The following ARHGEF28 variants were observed in gnomAD, a reference collection of about 807,000 sequenced individuals.
ARHGEF28 encodes Rho guanine nucleotide exchange factor 28.
ARHGEF28 carries 152 observed loss-of-function variants against 206.6 expected under a neutral mutation model. The ratio of observed to expected loss-of-function variants is 0.74; its 90% CI spans 0.64 to 0.84. The LOEUF (loss-of-function observed/expected upper bound fraction) is 0.84, where lower values mean the gene tolerates loss of function less well. Among genes scored for constraint, ARHGEF28 ranks in the 40% least tolerant of loss-of-function variants. The pLI, the probability that ARHGEF28 is intolerant of heterozygous loss-of-function variation, is 0.00. For missense variants in ARHGEF28, 2,028 were observed against 2,073.2 expected (o/e 0.98, Z 0.42); for synonymous variants, 763 against 776.4 (o/e 0.98, Z 0.29).
intron 2 of ARHGEF28, among the ~76,000 whole-genome samples, chr5:73,711,326 T>C (rs1489926904): frequency 6.6e-6 from 1 of 152,128 alleles, no homozygotes; most frequent in Non-Finnish European, 1.5e-5. Context: ...CCTTTTCACA[T>C]AAATTTTATA....
intron 2 of ARHGEF28, among the ~76,000 whole-genome samples, chr5:73,717,742 T>C (rs188880658): frequency 8.5e-5 from 13 of 152,338 alleles, no homozygotes; most frequent in African/African-American, 2.9e-4. Flanking sequence ...ATCATGATGA[T>C]AGTGTATAAG....
rs559220061 is a variant in ARHGEF28 at position 73,910,685 on chromosome 5, T to C, written c.4648-590T>C. Among the ~76,000 whole-genome samples the C allele has an allele frequency of 9.8e-5, 15 of 152,358 alleles. No individual in the cohort carries two copies. In the South Asian group the frequency reaches 2.7e-3, roughly 27 times the overall value. ...TAGCAAGTATAGTACTATTCTGTTA[T>C]GCTGAGCTTCTTCTCTCTTTGTAAA... On this transcript the variant is annotated intron_variant, in intron 34 of 35. Transcript: ENST00000513042.
chr5:73,815,701 G>C (rs571155265), intron 9 of ARHGEF28, among the ~76,000 whole-genome samples: 1 of 152,316 alleles, frequency 6.6e-6, no homozygotes, highest in African/African-American at 2.4e-5. Flanking sequence ...ATCCATTGGA[G>C]TTGTAGGGAA....
At chr5:73,922,463 C>T (rs957616348) in intron 35 of ARHGEF28, among the ~76,000 whole-genome samples, 2 of 152,176 alleles carry the variant, frequency 1.3e-5, no homozygotes, top group African/African-American at 4.8e-5. Flanking sequence ...TTGGCTTTGC[C>T]GAAAGCTTCT....
In ARHGEF28 at chr5:73,635,814, A is replaced by G. The variant is rs886893298; in HGVS notation, c.-12+9492A>G. Among the ~76,000 whole-genome samples, 6 of 152,226 alleles carry G rather than the reference A, an allele frequency of 3.9e-5. No homozygotes were observed. The South Asian group carries it at 1.0e-3, about 26-fold the overall frequency. Reference sequence around the variant, plus strand: ...TCACAGCCCCTAGAGATGTAGCAGGATTCAGCTGGCCATTCCTATTCTTGG... The same window carrying G: ...TCACAGCCCCTAGAGATGTAGCAGGGTTCAGCTGGCCATTCCTATTCTTGG... On this transcript the variant is annotated intron_variant, in intron 1 of 35. Coordinates refer to ENST00000513042, the MANE Select transcript of ARHGEF28 (RefSeq NM_001177693.2).
chr5:73,830,951 G>A lies in ARHGEF28; in HGVS notation c.1025-1387G>A, dbSNP rs569232451. Among the ~76,000 whole-genome samples, 5 of 152,206 alleles carry A rather than the reference G, an allele frequency of 3.3e-5. No homozygotes were observed. In the East Asian group the frequency reaches 5.8e-4, roughly 18 times the overall value. On this transcript the variant is annotated intron_variant, in intron 9 of 35. Coordinates refer to ENST00000513042, the MANE Select transcript of ARHGEF28 (RefSeq NM_001177693.2). ...TATGTACCTATTCAAGAAAATTTAC[G>A]GGGATGTTAGTGAGGATGGCATTTA...
At chr5:73,826,949 C>G (rs1756951614) in intron 9 of ARHGEF28, among the ~76,000 whole-genome samples, 2 of 152,282 alleles carry the variant, frequency 1.3e-5, no homozygotes, top group East Asian at 3.9e-4. Flanking sequence ...TGCTGTTTAT[C>G]CTCCAGGCAC....
chr5:73,842,582 C>T (rs555775842), intron 11 of ARHGEF28, among the ~76,000 whole-genome samples: 36 of 152,324 alleles, frequency 2.4e-4, no homozygotes, highest in African/African-American at 8.7e-4. Context: ...ACTGTCCACA[C>T]GTCTGCTTGG....
intron 1 of ARHGEF28, among the ~76,000 whole-genome samples, chr5:73,680,707 C>T (rs531369708): frequency 6.6e-6 from 1 of 152,176 alleles, no homozygotes; most frequent in African/African-American, 2.4e-5. Context: ...TATATTTTAT[C>T]AGATAAAATC....
intron 14 of ARHGEF28, among the ~76,000 whole-genome samples, chr5:73,855,945 G>A (rs1349212006): frequency 6.6e-6 from 1 of 152,054 alleles, no homozygotes; most frequent in Non-Finnish European, 1.5e-5. Flanking sequence ...TACAAAAGGG[G>A]CTTCTTGACC....
chr5:73,682,980 C>A (rs1747205875), intron 1 of ARHGEF28, among the ~76,000 whole-genome samples: 1 of 152,086 alleles, frequency 6.6e-6, no homozygotes, highest in Non-Finnish European at 1.5e-5. Context: ...TCCTCCATTT[C>A]TCCTAATCTT....
At position 73,909,698 on chromosome 5, in the gene ARHGEF28, A is replaced by C; in HGVS notation, c.4448A>C (p.Glu1483Ala). ...CGGGAGCGGGAGTGCCAGTCGCAGG[A>C]GGAGCTGCTGCTGCGGAGCCGGGGC... ...QERERECQSQ[E>A]ELLLRSRGEL... The change falls in exon 34 of 36, where the codon GAG becomes GCG. Residue 1483 changes from glutamate (E) to alanine (A), a missense_variant. By Grantham distance (107) the Glu-to-Ala change is moderately radical. Coordinates refer to ENST00000513042, the MANE Select transcript of ARHGEF28 (RefSeq NM_001177693.2). The C allele has an allele frequency of 2.0e-6, 3 of 1,533,876 alleles. No homozygotes were observed. Among genetic ancestry groups the C allele is most frequent in the Non-Finnish European group, 2.6e-6 (3 of 1,138,960 alleles).
chr5:73,771,547 CAA>C (rs59263206), intron 4 of ARHGEF28, among the ~76,000 whole-genome samples: 5 of 139,948 alleles, frequency 3.6e-5, no homozygotes, highest in Admixed American at 7.3e-5. Flanking sequence ...GACTCCATCT[CAA>C]AAAAAAAAAA....
At chr5:73,678,617 C>T (rs1746851392) in intron 1 of ARHGEF28, among the ~76,000 whole-genome samples, 1 of 152,282 alleles carries the variant, frequency 6.6e-6, no homozygotes, top group East Asian at 1.9e-4. Context: ...CTGTAGCCTG[C>T]CTTCTCACTG....
intron 1 of ARHGEF28, among the ~76,000 whole-genome samples, chr5:73,653,782 C>T (rs1744993962): frequency 6.6e-6 from 1 of 152,360 alleles, no homozygotes; most frequent in South Asian, 2.1e-4. Flanking sequence ...CCTACAGCTC[C>T]TTTCCAGCCC....
chr5:73,663,024 C>T (rs574431435), intron 1 of ARHGEF28, among the ~76,000 whole-genome samples: 3 of 152,274 alleles, frequency 2.0e-5, no homozygotes, highest in Admixed American at 6.5e-5. Flanking sequence ...GGCCCAATCT[C>T]GGTTAACTGC....
rs1342401173 is a variant in ARHGEF28 at position 73,909,634 on chromosome 5, C to T, written c.4384C>T (p.Gln1462Ter). 1.3e-6 allele frequency: 2 copies of T among 1,549,614 alleles called. No individual in the cohort carries two copies. The highest frequency in any genetic ancestry group is 4.9e-5 in the East Asian group (2 of 40,930). Reference sequence around the variant, plus strand: ...CTGGCTGCGCAGGTGTGAGCAGCAGCAGCGGGCGCAGGCGACCAGGGAGAG... The same window carrying T: ...CTGGCTGCGCAGGTGTGAGCAGCAGTAGCGGGCGCAGGCGACCAGGGAGAG... ...RRWLRRCEQQ[Q>*]RAQATRESWL... Residue 1462 changes from glutamine to a stop codon, truncating the protein, a stop_gained, in exon 34 of 36, where the codon CAG (glutamine) becomes TAG (stop). Coordinates refer to ENST00000513042, the MANE Select transcript of ARHGEF28 (RefSeq NM_001177693.2). LOFTEE classifies it high-confidence loss of function.
At chr5:73,886,444 C>T (rs1761302834) in intron 25 of ARHGEF28, among the ~76,000 whole-genome samples, 1 of 152,208 alleles carries the variant, frequency 6.6e-6, no homozygotes. Flanking sequence ...TACACCTACA[C>T]ACCTAGGGTC....
At chr5:73,836,005 TA>T (rs2112567037) in intron 10 of ARHGEF28, among the ~76,000 whole-genome samples, 1 of 152,132 alleles carries the variant, frequency 6.6e-6, no homozygotes, top group African/African-American at 2.4e-5. Flanking sequence ...TTTATCCCTA[TA>T]TTTTCAGAAA....
Sources: allele counts gnomAD v4.1 joint callset (sites outside exome capture counted in the v4.1 genomes callset), GRCh38; gene constraint gnomAD v4.1.1; transcripts MANE v1.5; gene names NCBI Gene and HGNC (gene_info 2026-07-23, HGNC 2026-07-21).